FRMD8: variants seen among roughly 807,000 people sequenced by gnomAD.
The protein encoded by FRMD8 is FERM domain containing 8.
Under a neutral mutation model 54.2 loss-of-function variants are expected in FRMD8, and 37 were observed. The ratio of observed to expected loss-of-function variants is 0.68; its 90% confidence interval spans 0.53 to 0.90. The LOEUF (loss-of-function observed/expected upper bound fraction) is 0.90, where lower values mean the gene tolerates loss of function less well. Ranked by LOEUF, FRMD8 falls within the 40% of genes least tolerant of loss-of-function variation. The pLI is 0.00. For synonymous variants in FRMD8, 246 were observed against 286.9 expected (o/e 0.86, Z 1.44); for missense variants, 585 against 653.7 (o/e 0.89, Z 1.15).
chr11:65,375,088 G>C, the FRMD8 span: 1 of 152,422 alleles, frequency 6.6e-6, no homozygotes, highest in East Asian at 1.9e-4. Context: ...AGAAGGGTCA[G>C]AGCAGGAAAA....
the FRMD8 span, chr11:65,381,294 C>A: frequency 1.3e-5 from 2 of 153,688 alleles, no homozygotes; most frequent in Non-Finnish European, 2.9e-5. Flanking sequence ...CCGCGCCTGG[C>A]TAATTTTTGT....
chr11:65,371,762 G>C, the FRMD8 span, among the ~76,000 whole-genome samples: 6 of 152,144 alleles, frequency 3.9e-5, no homozygotes, highest in South Asian at 2.1e-4. Flanking sequence ...CTACAGGTGC[G>C]TGCCACCATG....
Position 65,400,887 on chromosome 11 carries a change from C to T in FRMD8, c.1071+20C>T. The T allele has an allele frequency of 6.3e-7, 1 of 1,581,208 alleles. No individual in the cohort carries two copies. The highest frequency in any genetic ancestry group is 8.6e-7 in the Non-Finnish European group (1 of 1,162,332). The stretch of plus-strand genomic sequence containing the variant: ...AAGCAGGTAGCGCGGGTGGTGCCTG[C>T]ACACGGGTGGGGAGGCTGGGCCCAG... On this transcript the variant is annotated intron_variant, in intron 9 of 10. Transcript: ENST00000317568. This position sits in a 1 kb window ranked among gnomAD's most constrained non-coding sequence, Gnocchi z 4.3.
At chr11:65,395,391 T>C (rs1855931865) in intron 6 of FRMD8, among the ~76,000 whole-genome samples, 1 of 151,702 alleles carries the variant, frequency 6.6e-6, no homozygotes, top group Non-Finnish European at 1.5e-5. Flanking sequence ...AATACAAAAT[T>C]ATCTGGGCAA....
the FRMD8 span, chr11:65,379,985 G>T: frequency 5.0e-6 from 8 of 1,608,062 alleles, no homozygotes; most frequent in Non-Finnish European, 6.8e-6. Flanking sequence ...GGGCAGGTGG[G>T]CCAACCTTTC....
In FRMD8 at chr11:65,396,982, C is replaced by T. The variant is rs570796513; in HGVS notation, c.765C>T (p.Arg255=). Reference sequence around the variant, plus strand: ...AGGCCGCCCTGGGCACCCACTACCGCGCCTATCTCCTCAAGTGCCACGAGC... The same window carrying T: ...AGGCCGCCCTGGGCACCCACTACCGTGCCTATCTCCTCAAGTGCCACGAGC... ...GCEAALGTHY[R]AYLLKCHELP... The change falls in exon 7 of 11, where the codon CGC becomes CGT. Residue 255 remains arginine, a synonymous_variant. Transcript: ENST00000317568. The T allele has an allele frequency of 6.1e-6, 9 of 1,485,190 alleles. No individual in the cohort carries two copies. Among genetic ancestry groups the T allele is most frequent in the East Asian group, 5.4e-5 (2 of 37,310 alleles). 92.0% of individuals were successfully genotyped at this position (1,485,190 alleles called of 1,614,324 possible).
chr11:65,382,290 G>A, upstream of FRMD8: 1 of 368,884 alleles, frequency 2.7e-6, no homozygotes, highest in East Asian at 5.1e-5. The surrounding 1 kb of genome is among the most constrained non-coding windows in gnomAD (Gnocchi z 4.4). Context: ...GGCTGCCTTA[G>A]TCAGCAAGAG....
chr11:65,400,690 G>C lies in FRMD8; in HGVS notation c.928-34G>C, dbSNP rs1856055618. ...GGTGGGGAGCAGACCTCTGCCCAGG[G>C]GTCAAGCCTGGCTCTGTGTCTCCTG... is the stretch of plus-strand genomic sequence containing the variant. On this transcript the variant is annotated intron_variant, in intron 8 of 10. Coordinates refer to ENST00000317568, the MANE Select transcript of FRMD8 (RefSeq NM_031904.5). The surrounding 1 kb of genome is among the most constrained non-coding windows in gnomAD (Gnocchi z 4.3). 1.3e-6 allele frequency: 2 copies of C among 1,536,382 alleles called. No homozygotes were observed. The highest frequency in any genetic ancestry group is 1.8e-6 in the Non-Finnish European group (2 of 1,141,148).
intron 9 of FRMD8, among the ~76,000 whole-genome samples, chr11:65,402,244 C>T (rs962715542): frequency 1.3e-5 from 2 of 151,854 alleles, no homozygotes; most frequent in African/African-American, 4.8e-5. Context: ...CCAGCTACTA[C>T]TTGGGAGACT....
the FRMD8 span, chr11:65,376,812 A>T: frequency 1.2e-6 from 2 of 1,614,086 alleles, no homozygotes; most frequent in South Asian, 2.2e-5. Context: ...ACGCCACTTT[A>T]CTTACTGGGA....
Position 65,413,464 on chromosome 11 carries a change from C to T in FRMD8, c.*2104C>T, listed in dbSNP as rs971036168. The T allele has an allele frequency of 6.6e-6, 1 of 152,234 alleles. No individual in the cohort carries two copies. The highest frequency in any genetic ancestry group is 6.5e-5 in the Admixed American group (1 of 15,284). 9.4% of individuals were successfully genotyped at this position (152,234 alleles called of 1,614,324 possible). On this transcript the variant is annotated 3_prime_UTR_variant, in exon 11 of 11. Transcript: ENST00000317568. ...CTTTGGGACAAAGCAGTATTTTACT[C>T]ATTCTTTGAATGTTCTCATTCTTTT...
At chr11:65,370,012 C>T in the FRMD8 span, among the ~76,000 whole-genome samples, 1 of 150,884 alleles carries the variant, frequency 6.6e-6, no homozygotes, top group Non-Finnish European at 1.5e-5. Flanking sequence ...GCCTGGGCAA[C>T]GAGAGTAAAA....
the FRMD8 span, among the ~76,000 whole-genome samples, chr11:65,368,900 C>A: frequency 6.6e-6 from 1 of 152,120 alleles, no homozygotes. Context: ...ACACAGGGGT[C>A]TCTGCTTCCC....
intron 6 of FRMD8, 88 bp from the exon 7 acceptor site, chr11:65,396,711 C>G: frequency 1.2e-6 from 1 of 813,922 alleles, no homozygotes; most frequent in South Asian, 2.2e-5. Flanking sequence ...GTGTCTGCTT[C>G]CTCCAGGCAG....
chr11:65,412,146 C>G lies in FRMD8; in HGVS notation c.*786C>G, dbSNP rs1171363280. On this transcript the variant is annotated 3_prime_UTR_variant, in exon 11 of 11. Coordinates refer to ENST00000317568, the MANE Select transcript of FRMD8 (RefSeq NM_031904.5). The stretch of plus-strand genomic sequence containing the variant: ...TGCTGGGAGGTGGCTATCCTGTGGA[C>G]CACCTGGCCTCCAGACCCACACTCA... 1 of 152,272 alleles carries G rather than the reference C, an allele frequency of 6.6e-6. No homozygotes were observed. Among genetic ancestry groups the G allele is most frequent in the Non-Finnish European group, 1.5e-5 (1 of 68,072 alleles). 9.4% of individuals were successfully genotyped at this position (152,272 alleles called of 1,614,324 possible). A position where few individuals can be genotyped will look rare whatever the true frequency, so the allele number is the denominator to read the frequency against.
At chr11:65,397,051 C>T (rs369977715) in intron 7 of FRMD8, 31 bp downstream of exon 7, 1 of 1,251,760 alleles carries the variant, frequency 8.0e-7, no homozygotes, top group East Asian at 3.0e-5. Context: ...GTCCCCCACC[C>T]CCTCCGCAGG....
At position 65,403,183 on chromosome 11, in the gene FRMD8, CTTTTTTTCT is replaced by C. The variant is rs574517188; in HGVS notation, c.1072-1673_1072-1665del. ...ATGAGCCCCTGTGTCTGCCTTTTTT[CTTTTTTTCT>C]TTTTTTTTGAGATGGAGTCTCACTC... On this transcript the variant is annotated intron_variant, in intron 9 of 10. Transcript: ENST00000317568. Among the ~76,000 whole-genome samples, 101 of 150,704 alleles carry C rather than the reference CTTTTTTTCT, an allele frequency of 6.7e-4. 1 individual carries two copies. The highest frequency in any genetic ancestry group is 2.4e-3 in the African/African-American group (99 of 41,098).
At position 65,411,247 on chromosome 11, in the gene FRMD8, G is replaced by T; in HGVS notation, c.1282G>T (p.Gly428Trp). ...STIDYVEDGK[G>W]IRRVKPKRTT... The stretch of plus-strand genomic sequence containing the variant: ...GCCCTCCCATTCCCTCGCAGGCAAG[G>T]GGATCAGGCGAGTGAAGCCGAAGCG... Residue 428 changes from glycine (G) to tryptophan (W), a missense_variant, in exon 11 of 11, where the codon GGG becomes TGG. Coordinates refer to ENST00000317568, the MANE Select transcript of FRMD8 (RefSeq NM_031904.5). 2 of 1,605,922 alleles carry T rather than the reference G, an allele frequency of 1.2e-6. No individual in the cohort carries two copies. The highest frequency in any genetic ancestry group is 1.1e-5 in the South Asian group (1 of 90,216).
At chr11:65,381,765 C>G, upstream of FRMD8, 1 of 929,012 alleles carries the variant, frequency 1.1e-6, no homozygotes, top group Non-Finnish European at 1.8e-6. Flanking sequence ...CCTATGTTGC[C>G]CAGACTGGTC....
Sources: allele counts gnomAD v4.1 joint callset (sites outside exome capture counted in the v4.1 genomes callset), GRCh38; gene constraint gnomAD v4.1.1; non-coding constraint Gnocchi (gnomAD v3.1); transcripts MANE v1.5; gene names NCBI Gene and HGNC (gene_info 2026-07-23, HGNC 2026-07-21).